KAT6A: variants seen among roughly 807,000 people sequenced by gnomAD.
KAT6A encodes histone acetyltransferase KAT6A.
A neutral mutation model predicts 198.4 loss-of-function variants in KAT6A; 9 were observed. That is an observed-to-expected ratio of 0.05 (90% CI 0.03 to 0.08). KAT6A has a LOEUF of 0.08. Ranked by LOEUF, KAT6A falls within the 10% of genes least tolerant of loss-of-function variation. The pLI is 1.00. For missense variants in KAT6A, 2,077 were observed against 2,509.9 expected, an observed-to-expected ratio of 0.83 and a Z score of 3.69; for synonymous variants, 890 against 883.0, an observed-to-expected ratio of 1.01 and a Z score of -0.14.
chr8:41,951,794 G>C (rs1822681009), intron 9 of KAT6A, among the ~76,000 whole-genome samples: 1 of 152,214 alleles, frequency 6.6e-6, no homozygotes, highest in African/African-American at 2.4e-5. Context: ...AGTTTGTGCA[G>C]TCAACTTGTA....
Position 41,932,813 on chromosome 8 carries a change from T to A in KAT6A, c.5407A>T (p.Thr1803Ser), listed in dbSNP as rs1821624368. 3.1e-6 allele frequency: 5 copies of A among 1,613,692 alleles called. No homozygotes were observed. Among genetic ancestry groups the A allele is most frequent in the Non-Finnish European group, 4.2e-6 (5 of 1,179,944 alleles). The change falls in exon 17 of 17, where the codon ACT becomes TCT. Residue 1803 changes from threonine to serine, a missense_variant. Around this residue, in one of 13 missense-constraint regions of KAT6A, gnomAD observed 500 missense variants for 577.2 expected, o/e 0.87. Coordinates refer to ENST00000265713, the MANE Select transcript of KAT6A (RefSeq NM_006766.5). ...GTCATGGTGGCTTGTGCTTGAGGAG[T>A]CCCAGCTAAGGGATGAGATGGAGCC... is the stretch of plus-strand genomic sequence containing the variant. ...QLAPSHPLAG[T>S]PQAQATMTPP...
chr8:41,948,435 C>T (rs1280796626), intron 10 of KAT6A, among the ~76,000 whole-genome samples: 2 of 152,116 alleles, frequency 1.3e-5, no homozygotes, highest in African/African-American at 4.8e-5. Flanking sequence ...AAGCACCAAG[C>T]GGGTTCCTCA....
chr8:42,034,833 C>T (rs1042233472), intron 2 of KAT6A, among the ~76,000 whole-genome samples: 3 of 152,188 alleles, frequency 2.0e-5, no homozygotes, highest in Non-Finnish European at 2.9e-5. Context: ...ATTCTCACAA[C>T]TTCACTATGA....
At chr8:41,985,923 G>GT (rs1369169119) in intron 3 of KAT6A, among the ~76,000 whole-genome samples, 1 of 151,816 alleles carries the variant, frequency 6.6e-6, no homozygotes, top group Non-Finnish European at 1.5e-5. Context: ...GTAAGGTCTT[G>GT]TAAGTTTTTT....
At chr8:42,021,558 T>C (rs1826536840) in intron 2 of KAT6A, among the ~76,000 whole-genome samples, 1 of 152,148 alleles carries the variant, frequency 6.6e-6, no homozygotes. Flanking sequence ...AACAAGTAAA[T>C]GGTGAGACTG....
chr8:42,031,934 C>CTT (rs75169732), intron 2 of KAT6A, among the ~76,000 whole-genome samples: 3 of 136,550 alleles, frequency 2.2e-5, no homozygotes, highest in African/African-American at 2.7e-5. Flanking sequence ...CCTGGTCGTA[C>CTT]TTTTTTTTTT....
intron 3 of KAT6A, among the ~76,000 whole-genome samples, chr8:41,982,674 A>G (rs1331814349): frequency 2.6e-5 from 4 of 152,194 alleles, no homozygotes. Flanking sequence ...CTGGGTTATC[A>G]GACTGTTGCT....
At chr8:42,039,485 G>A (rs1459471546) in intron 2 of KAT6A, among the ~76,000 whole-genome samples, 3 of 152,156 alleles carry the variant, frequency 2.0e-5, no homozygotes, top group Admixed American at 6.5e-5. Context: ...TAGATGTTAA[G>A]GAGATTCTTA....
At chr8:42,012,321 C>G (rs1826060476) in intron 2 of KAT6A, among the ~76,000 whole-genome samples, 1 of 152,314 alleles carries the variant, frequency 6.6e-6, no homozygotes, top group African/African-American at 2.4e-5. Flanking sequence ...CATCCTAATC[C>G]TTCGAACCTG....
At chr8:41,965,901 T>C (rs1446269838) in intron 8 of KAT6A, among the ~76,000 whole-genome samples, 2 of 152,190 alleles carry the variant, frequency 1.3e-5, no homozygotes, top group African/African-American at 2.4e-5. Context: ...CGATGTTTAC[T>C]GTGTTAAGGC....
intron 2 of KAT6A, among the ~76,000 whole-genome samples, chr8:41,995,373 T>C (rs1490952924): frequency 1.3e-5 from 2 of 152,182 alleles, no homozygotes; most frequent in Non-Finnish European, 2.9e-5. Context: ...CAATATTGTG[T>C]ACCTTGTGTC....
In KAT6A at chr8:41,940,863, T is replaced by C; in HGVS notation, c.3018A>G (p.Thr1006=). The C allele has an allele frequency of 1.2e-6, 2 of 1,612,466 alleles. No individual in the cohort carries two copies. The highest frequency in any genetic ancestry group is 1.7e-5 in the Admixed American group (1 of 59,994). The change falls in exon 15 of 17, where the codon ACA becomes ACG. Residue 1006 remains threonine (T), a synonymous_variant. Transcript: ENST00000265713. ...SPRSSSPPIL[T]KPTLKRKKPF... ...TTACCTTTCGCTTCAGCGTGGGCTT[T>C]GTGAGAATTGGTGGCGAGCTTGACC...
At chr8:41,949,174 C>A in intron 10 of KAT6A, 48 bp downstream of exon 10, 1 of 1,314,310 alleles carries the variant, frequency 7.6e-7, no homozygotes, top group Non-Finnish European at 1.0e-6. Flanking sequence ...TATAGGTGGC[C>A]CTACTTATGA....
Position 41,987,515 on chromosome 8 carries a change from C to G in KAT6A, c.649G>C (p.Glu217Gln). 1 of 1,613,744 alleles carries G rather than the reference C, an allele frequency of 6.2e-7. No individual in the cohort carries two copies. Among genetic ancestry groups the G allele is most frequent in the Non-Finnish European group, 8.5e-7 (1 of 1,179,732 alleles). ...PICSFCLGTK[E>Q]QNREKKPEEL... is the part of the protein sequence containing the mutation. ...TCTGGCTTCTTTTCTCGGTTTTGTT[C>G]TTTTGTACCAAGACAGAAACTACAG... The change falls in exon 3 of 17, where the codon GAA becomes CAA. Residue 217 changes from glutamate to glutamine, a missense_variant. Around this residue, in one of 13 missense-constraint regions of KAT6A, gnomAD observed 185 missense variants for 185.7 expected, o/e 1.00. Transcript: ENST00000265713.
chr8:41,989,597 C>G (rs1346783548), intron 2 of KAT6A, among the ~76,000 whole-genome samples: 1 of 151,902 alleles, frequency 6.6e-6, no homozygotes, highest in African/African-American at 2.4e-5. Context: ...ATAAAAAATA[C>G]TTATGTAACA....
At chr8:41,960,526 A>G (rs868216348) in intron 8 of KAT6A, among the ~76,000 whole-genome samples, 1 of 150,972 alleles carries the variant, frequency 6.6e-6, no homozygotes, top group Non-Finnish European at 1.5e-5. Flanking sequence ...AAAAAAAAAA[A>G]GTCTGGTTAA....
intron 8 of KAT6A, among the ~76,000 whole-genome samples, chr8:41,972,915 A>T (rs577985214): frequency 6.6e-6 from 1 of 152,354 alleles, no homozygotes; most frequent in South Asian, 2.1e-4. Context: ...ACTGAAGTCC[A>T]TGTAGATTTC....
intron 8 of KAT6A, among the ~76,000 whole-genome samples, chr8:41,972,514 A>C (rs1293937101): frequency 6.6e-6 from 1 of 152,214 alleles, no homozygotes; most frequent in African/African-American, 2.4e-5. Context: ...ATGCCTTCTG[A>C]TGTGACACAC....
intron 2 of KAT6A, among the ~76,000 whole-genome samples, chr8:42,012,646 G>C (rs186194387): frequency 4.6e-5 from 7 of 152,166 alleles, no homozygotes; most frequent in African/African-American, 1.7e-4. Context: ...TCAGACTTCC[G>C]ACCCTCAGGA....
Sources: allele counts gnomAD v4.1 joint callset (sites outside exome capture counted in the v4.1 genomes callset), GRCh38; gene constraint gnomAD v4.1.1; regional missense constraint gnomAD v4.1.1; transcripts MANE v1.5; gene names NCBI Gene and HGNC (gene_info 2026-07-23, HGNC 2026-07-21).